Variants in AOAH observed in about 807,000 individuals in gnomAD.
AOAH encodes the protein acyloxyacyl hydrolase, also known as acyloxyacyl hydrolase (neutrophil).
AOAH carries 64 observed loss-of-function variants against 92.2 expected under a neutral mutation model. That is an observed-to-expected ratio of 0.69 (90% CI 0.57 to 0.86). The LOEUF (loss-of-function observed/expected upper bound fraction) is 0.86. AOAH is among the 40% of genes least tolerant of loss of function. The pLI, the probability that AOAH is intolerant of heterozygous loss-of-function variation, is 0.00. For synonymous variants in AOAH, 263 were observed against 254.5 expected, an observed-to-expected ratio of 1.03 and a Z score of -0.32; for missense variants, 656 against 694.6, an observed-to-expected ratio of 0.94 and a Z score of 0.62.
chr7:36,664,648 A>G (rs1462029329), intron 3 of AOAH, among the ~76,000 whole-genome samples: 1 of 152,196 alleles, frequency 6.6e-6, no homozygotes, highest in Non-Finnish European at 1.5e-5. Flanking sequence ...AATATCTATA[A>G]AATAATTTGC....
intron 13 of AOAH, among the ~76,000 whole-genome samples, chr7:36,566,699 C>G (rs1427979020): frequency 6.6e-6 from 1 of 152,128 alleles, no homozygotes. Flanking sequence ...TGAGTGGACT[C>G]AAGCATGCAC....
At chr7:36,677,467 G>T (rs936617502) in intron 2 of AOAH, among the ~76,000 whole-genome samples, 7 of 152,274 alleles carry the variant, frequency 4.6e-5, no homozygotes, top group Non-Finnish European at 4.4e-5. Flanking sequence ...GAAATCAAAA[G>T]CTTGTACAAT....
chr7:36,667,961 T>A lies in AOAH; in HGVS notation c.290+5982A>T, dbSNP rs1404046577. ...TTTATATTTAAAGTGAGTTTCTTGCTAGACAGCATATAATTGAGTCTAATT... is the reference window on the plus strand; with the variant it reads ...TTTATATTTAAAGTGAGTTTCTTGCAAGACAGCATATAATTGAGTCTAATT... On this transcript the variant is annotated intron_variant, in intron 3 of 20. Transcript: ENST00000617537. 2.6e-5 allele frequency among the ~76,000 whole-genome samples: 4 copies of A among 152,358 alleles called. No individual in the cohort carries two copies. In the East Asian group the frequency reaches 7.7e-4, roughly 29 times the overall value.
rs188817303 is a variant in AOAH at position 36,636,783 on chromosome 7, T to C, written c.450+1068A>G. Among the ~76,000 whole-genome samples, 260 of 152,338 alleles carry C rather than the reference T, an allele frequency of 1.7e-3. 1 individual carries two copies. Among genetic ancestry groups the C allele is most frequent in the Middle Eastern group, 6.8e-3 (2 of 294 alleles). ...TTACACTAGATATACTAAAACACTA[T>C]TCGTTGTTTATCTGAAATTCAAATT... On this transcript the variant is annotated intron_variant, in intron 5 of 20. Coordinates refer to ENST00000617537, the MANE Select transcript of AOAH (RefSeq NM_001637.4).
chr7:36,608,910 A>AGTGGGGGGGGGGG (rs1791204359), intron 11 of AOAH, among the ~76,000 whole-genome samples: 1 of 17,240 alleles, frequency 5.8e-5, no homozygotes, highest in Non-Finnish European at 1.7e-4. Context: ...TGCGGCGGGG[A>AGTGGGGGGGGGGG]GGGGGGGGGG....
At chr7:36,632,525 T>A (rs945078631) in intron 5 of AOAH, among the ~76,000 whole-genome samples, 2 of 152,090 alleles carry the variant, frequency 1.3e-5, no homozygotes, top group Non-Finnish European at 2.9e-5. Context: ...GGAAGGAAGG[T>A]CCCTTCCCCC....
At chr7:36,585,434 C>A (rs1789254422) in intron 12 of AOAH, among the ~76,000 whole-genome samples, 1 of 152,002 alleles carries the variant, frequency 6.6e-6, no homozygotes, top group Non-Finnish European at 1.5e-5. Context: ...TTGGTATAGC[C>A]CATTTGGAGG....
intron 3 of AOAH, among the ~76,000 whole-genome samples, chr7:36,673,169 A>T (rs1278599601): frequency 1.3e-5 from 2 of 152,228 alleles, no homozygotes; most frequent in Admixed American, 1.3e-4. Flanking sequence ...TAAGACAGCC[A>T]TGTATGGATC....
chr7:36,522,063 G>C lies in AOAH; in HGVS notation c.1575C>G (p.Pro525=), dbSNP rs1257668013. ...RGGQPWQLIE[P]VDGFHPNEVA... ...CCTCGTTGGGGTGGAATCCATCCACGGGCTCGATGAGCTGCCAGGGCTGTC... is the reference window on the plus strand; with the variant it reads ...CCTCGTTGGGGTGGAATCCATCCACCGGCTCGATGAGCTGCCAGGGCTGTC... Residue 525 remains proline, a synonymous_variant, in exon 20 of 21, where the codon CCC becomes CCG. Coordinates refer to ENST00000617537, the MANE Select transcript of AOAH (RefSeq NM_001637.4). The C allele has an allele frequency of 6.2e-7, 1 of 1,614,006 alleles. No homozygotes were observed. The highest frequency in any genetic ancestry group is 1.3e-5 in the African/African-American group (1 of 74,892).
At chr7:36,589,185 G>A (rs1028949634) in intron 12 of AOAH, among the ~76,000 whole-genome samples, 1 of 152,128 alleles carries the variant, frequency 6.6e-6, no homozygotes, top group Non-Finnish European at 1.5e-5. Flanking sequence ...GAAATGCTCA[G>A]TTTAGATGTG....
chr7:36,678,582 TGTGTGTGTGTG>T (rs1796415708), intron 2 of AOAH, among the ~76,000 whole-genome samples: 1 of 108,070 alleles, frequency 9.3e-6, no homozygotes, highest in Non-Finnish European at 1.9e-5. Context: ...TGTGTGTGTG[TGTGTGTGTGTG>T]TGTGTGTGCG....
intron 13 of AOAH, among the ~76,000 whole-genome samples, chr7:36,566,023 C>A (rs923794168): frequency 6.6e-6 from 1 of 151,660 alleles, no homozygotes; most frequent in Non-Finnish European, 1.5e-5. Flanking sequence ...TCCTTAGTAT[C>A]CTTTTAATCT....
intron 5 of AOAH, among the ~76,000 whole-genome samples, chr7:36,635,628 C>T (rs901327851): frequency 6.6e-6 from 1 of 152,224 alleles, no homozygotes; most frequent in East Asian, 1.9e-4. Context: ...GTCCACTGTA[C>T]GATCCCAATA....
chr7:36,671,189 A>T (rs1584080557), intron 3 of AOAH, among the ~76,000 whole-genome samples: 1 of 152,192 alleles, frequency 6.6e-6, no homozygotes, highest in Non-Finnish European at 1.5e-5. Flanking sequence ...CTTCACAGCA[A>T]TCTAGTCATG....
intron 1 of AOAH, among the ~76,000 whole-genome samples, chr7:36,717,668 T>C (rs1799306345): frequency 6.6e-6 from 1 of 152,038 alleles, no homozygotes; most frequent in South Asian, 2.1e-4. Flanking sequence ...TTTTCTCCTT[T>C]TGATTCTAAA....
intron 19 of AOAH, among the ~76,000 whole-genome samples, chr7:36,526,458 T>C (rs1053576108): frequency 3.3e-5 from 5 of 152,240 alleles, no homozygotes; most frequent in Admixed American, 6.5e-5. Context: ...TCTGCTTTCT[T>C]GGGAGAAATG....
At chr7:36,696,917 G>T (rs1043466367) in intron 1 of AOAH, among the ~76,000 whole-genome samples, 2 of 151,786 alleles carry the variant, frequency 1.3e-5, no homozygotes, top group African/African-American at 4.8e-5. Flanking sequence ...TGCTAAACTC[G>T]CTTATCAGTT....
At chr7:36,705,536 A>C (rs1299032575) in intron 1 of AOAH, among the ~76,000 whole-genome samples, 1 of 152,218 alleles carries the variant, frequency 6.6e-6, no homozygotes, top group Non-Finnish European at 1.5e-5. Flanking sequence ...AAGAGTCAAT[A>C]TCGTGAAAAT....
chr7:36,640,110 A>G (rs1793801116), intron 4 of AOAH, among the ~76,000 whole-genome samples: 1 of 152,020 alleles, frequency 6.6e-6, no homozygotes, highest in Non-Finnish European at 1.5e-5. Context: ...ATTGGTGCAC[A>G]TGGGGGTGGC....
Sources: gnomAD v4.1 joint callset for allele counts (sites outside exome capture counted in the v4.1 genomes callset) on GRCh38, gnomAD v4.1.1 for gene constraint, MANE v1.5 for transcripts, NCBI Gene and HGNC (gene_info 2026-07-23, HGNC 2026-07-21) for gene names.